Variants in TTLL5 observed in about 807,000 individuals in gnomAD.
TTLL5 encodes tubulin polyglutamylase TTLL5.
A neutral mutation model predicts 168.4 loss-of-function variants in TTLL5; 132 were observed. The ratio of observed to expected loss-of-function variants is 0.78; its 90% CI spans 0.68 to 0.91. The LOEUF is 0.91. TTLL5 is among the 40% of genes least tolerant of loss of function. TTLL5 has a pLI of 0.00. For synonymous variants in TTLL5, 546 were observed against 558.6 expected (o/e 0.98, Z 0.32); for missense variants, 1,545 against 1,581.5 (o/e 0.98, Z 0.39).
At position 75,683,621 on chromosome 14, in the gene TTLL5, C is replaced by T; in HGVS notation, c.336C>T (p.Thr112=). ...GSHLKPFLLR[T]LSEAQKVNHF... ...ACCTGAAGCCCTTCTTACTGCGCAC[C>T]CTCTCTGAAGCACAAAAAGTTAATC... is the stretch of plus-strand genomic sequence containing the variant. The change falls in exon 5 of 32, where the codon ACC becomes ACT. Residue 112 remains threonine, a synonymous_variant. Transcript: ENST00000298832. The T allele has an allele frequency of 6.2e-7, 1 of 1,613,974 alleles. No homozygotes were observed. The highest frequency in any genetic ancestry group is 8.5e-7 in the Non-Finnish European group (1 of 1,179,908).
At chr14:75,847,317 T>G (rs1566629188) in intron 28 of TTLL5, among the ~76,000 whole-genome samples, 1 of 152,040 alleles carries the variant, frequency 6.6e-6, no homozygotes, top group African/African-American at 2.4e-5. Flanking sequence ...TTCTTTTTTT[T>G]ATCACATTAA....
At chr14:75,822,766 G>T (rs972206696) in intron 28 of TTLL5, among the ~76,000 whole-genome samples, 1 of 152,158 alleles carries the variant, frequency 6.6e-6, no homozygotes, top group African/African-American at 2.4e-5. Flanking sequence ...TAGCCTCAGG[G>T]TTGTCGTCTC....
intron 3 of TTLL5, among the ~76,000 whole-genome samples, chr14:75,680,287 G>T (rs145769343): frequency 5.5e-4 from 84 of 152,284 alleles, no homozygotes; most frequent in African/African-American, 1.7e-3. Context: ...ATTGAGTGAG[G>T]CAGGCTGGAT....
chr14:75,758,750 T>C (rs1890441395), intron 18 of TTLL5, among the ~76,000 whole-genome samples: 1 of 152,068 alleles, frequency 6.6e-6, no homozygotes, highest in Non-Finnish European at 1.5e-5. Context: ...CAATAGAAAA[T>C]CTTCACATAT....
intron 23 of TTLL5, 86 bp downstream of exon 23, chr14:75,776,936 T>C: frequency 9.3e-7 from 1 of 1,075,672 alleles, no homozygotes; most frequent in Admixed American, 2.2e-5. Flanking sequence ...TTGTTTCTGA[T>C]ACATGGATGT....
intron 28 of TTLL5, among the ~76,000 whole-genome samples, chr14:75,827,602 T>C (rs1011843594): frequency 6.6e-6 from 1 of 151,816 alleles, no homozygotes; most frequent in African/African-American, 2.4e-5. Flanking sequence ...TTCGTATGCT[T>C]CAGGAGCAGT....
intron 31 of TTLL5, among the ~76,000 whole-genome samples, chr14:75,934,535 A>G (rs983098811): frequency 2.6e-5 from 4 of 152,242 alleles, no homozygotes; most frequent in Admixed American, 2.6e-4. Flanking sequence ...GAACATTTTA[A>G]TGGACTAGAT....
At chr14:75,823,541 G>A (rs898106154) in intron 28 of TTLL5, among the ~76,000 whole-genome samples, 2 of 152,152 alleles carry the variant, frequency 1.3e-5, no homozygotes, top group South Asian at 2.1e-4. Flanking sequence ...CTTGTGGATC[G>A]AGCTGTCAGG....
chr14:75,726,699 A>G (rs1485304385), intron 12 of TTLL5, among the ~76,000 whole-genome samples: 3 of 152,166 alleles, frequency 2.0e-5, no homozygotes, highest in Non-Finnish European at 2.9e-5. Context: ...TGAAATGGTA[A>G]GAAGTATGAC....
chr14:75,929,763 A>G (rs1278415990), intron 31 of TTLL5, among the ~76,000 whole-genome samples: 1 of 151,966 alleles, frequency 6.6e-6, no homozygotes, highest in Non-Finnish European at 1.5e-5. Context: ...AAAGATACCT[A>G]TTTTTCACTC....
At chr14:75,757,849 C>T (rs554547540) in intron 18 of TTLL5, 3 of 1,592,428 alleles carry the variant, frequency 1.9e-6, no homozygotes, top group African/African-American at 1.3e-5. Flanking sequence ...CAAGAAGAAG[C>T]TTATTGACAG....
chr14:75,707,553 G>A (rs559828275), intron 8 of TTLL5, 70 bp from the exon 9 acceptor site: 26 of 1,394,594 alleles, frequency 1.9e-5, no homozygotes, highest in East Asian at 1.6e-4. Flanking sequence ...TCTTGGTTTC[G>A]TTGTTTATTC....
intron 2 of TTLL5, among the ~76,000 whole-genome samples, chr14:75,663,900 A>G (rs1883059749): frequency 6.6e-6 from 1 of 152,174 alleles, no homozygotes; most frequent in Non-Finnish European, 1.5e-5. Flanking sequence ...CCTGGCCAAC[A>G]TGGTGAAACC....
At chr14:75,770,877 C>T (rs1891268149) in intron 20 of TTLL5, among the ~76,000 whole-genome samples, 1 of 152,176 alleles carries the variant, frequency 6.6e-6, no homozygotes, top group African/African-American at 2.4e-5. Flanking sequence ...GCCATTCCAT[C>T]TTGTAGTTGA....
chr14:75,832,463 T>C (rs1274240398), intron 28 of TTLL5, among the ~76,000 whole-genome samples: 1 of 152,190 alleles, frequency 6.6e-6, no homozygotes, highest in Non-Finnish European at 1.5e-5. Flanking sequence ...TAAGCTACAT[T>C]TTATTTCTGG....
At chr14:75,838,003 T>G (rs1895967496) in intron 28 of TTLL5, among the ~76,000 whole-genome samples, 1 of 152,226 alleles carries the variant, frequency 6.6e-6, no homozygotes. Context: ...CAAATATCTT[T>G]TCACCTCCCT....
At chr14:75,953,041 G>A (rs1321183111) in intron 31 of TTLL5, among the ~76,000 whole-genome samples, 1 of 152,152 alleles carries the variant, frequency 6.6e-6, no homozygotes, top group African/African-American at 2.4e-5. Context: ...CAAAAAAGCT[G>A]TTTTTTAAAA....
chr14:75,728,033 A>G (rs1468438343), intron 12 of TTLL5, among the ~76,000 whole-genome samples: 1 of 152,182 alleles, frequency 6.6e-6, no homozygotes, highest in African/African-American at 2.4e-5. Flanking sequence ...ATACCTCAAA[A>G]GGGAATAGAG....
intron 6 of TTLL5, among the ~76,000 whole-genome samples, chr14:75,696,511 T>C (rs1885884839): frequency 6.6e-6 from 1 of 152,204 alleles, no homozygotes; most frequent in East Asian, 1.9e-4. Context: ...AAAAAATATA[T>C]AAACTGAATA....
Sources: gnomAD v4.1 joint callset for allele counts (sites outside exome capture counted in the v4.1 genomes callset) on GRCh38, gnomAD v4.1.1 for gene constraint, MANE v1.5 for transcripts, NCBI Gene and HGNC (gene_info 2026-07-23, HGNC 2026-07-21) for gene names.